The following ANKFY1 variants were observed in gnomAD, a reference collection of about 807,000 sequenced individuals.
The protein encoded by ANKFY1 is ankyrin repeat and FYVE domain-containing protein 1.
In ANKFY1, 47 loss-of-function variants were observed where a neutral mutation model predicts 128.3. That is an observed-to-expected ratio of 0.37 (90% CI 0.29 to 0.47). ANKFY1 has a LOEUF of 0.47. Among genes scored for constraint, ANKFY1 ranks in the 20% least tolerant of loss-of-function variants. ANKFY1 has a pLI of 1.00. For missense variants in ANKFY1, 1,222 were observed against 1,510.6 expected (o/e 0.81, Z 3.17); for synonymous variants, 553 against 601.6 (o/e 0.92, Z 1.18).
chr17:4,226,742 C>CAAA (rs35786963), intron 3 of ANKFY1, among the ~76,000 whole-genome samples: 1 of 68,286 alleles, frequency 1.5e-5, no homozygotes, highest in Non-Finnish European at 3.0e-5. Context: ...GACTCCATCT[C>CAAA]AAAAAAAAAA....
intron 4 of ANKFY1, among the ~76,000 whole-genome samples, chr17:4,215,105 A>G (rs1440368546): frequency 2.0e-5 from 3 of 152,068 alleles, no homozygotes. Context: ...CCTGGCCAAC[A>G]TGGCAAAACC....
intron 16 of ANKFY1, chr17:4,180,479 T>A (rs1275697016): frequency 6.6e-6 from 1 of 151,342 alleles, no homozygotes; most frequent in Non-Finnish European, 1.5e-5. Flanking sequence ...ACCATAAAGT[T>A]TGAGCCAGGC....
chr17:4,248,724 A>G (rs909654477), intron 1 of ANKFY1, among the ~76,000 whole-genome samples: 3 of 152,208 alleles, frequency 2.0e-5, no homozygotes, highest in Non-Finnish European at 2.9e-5. Flanking sequence ...AGATGATGCC[A>G]CTGCATTCCA....
At chr17:4,171,964 G>A (rs1016707044) in intron 22 of ANKFY1, among the ~76,000 whole-genome samples, 13 of 152,274 alleles carry the variant, frequency 8.5e-5, no homozygotes, top group African/African-American at 2.9e-4. Flanking sequence ...CCCGAAAAAC[G>A]GGGATACAAC....
rs1301335191 is a variant in ANKFY1 at position 4,197,398 on chromosome 17, G to A, written c.1078C>T (p.Pro360Ser). The change falls in exon 8 of 25, where the codon CCC becomes TCC. Residue 360 changes from proline (P) to serine (S), a missense_variant. Physicochemically the swap from Pro to Ser is moderately conservative, Grantham distance 74. Coordinates refer to ENST00000341657, the MANE Select transcript of ANKFY1 (RefSeq NM_001330063.2). ...AEALLQAGAN[P>S]NMQDSKGRTP... ...CTCCCCTTGCTGTCCTGCATGTTGG[G>A]GTTGGCACCAGCCTGCAGAAGGGCC... 2 of 1,614,144 alleles carry A rather than the reference G, an allele frequency of 1.2e-6. No homozygotes were observed. The highest frequency in any genetic ancestry group is 1.7e-5 in the Admixed American group (1 of 60,024).
In ANKFY1 at chr17:4,187,398, G is replaced by A. The variant is rs548914133; in HGVS notation, c.1470+1984C>T. 25 of 397,302 alleles carry A rather than the reference G, an allele frequency of 6.3e-5. No individual in the cohort carries two copies. The Admixed American group carries it at 8.8e-4, about 14-fold the overall frequency. The allele number at this position is 397,302 out of a possible 1,614,324, so 24.6% of individuals were successfully genotyped here. On this transcript the variant is annotated intron_variant, in intron 11 of 24. Transcript: ENST00000341657. Reference sequence around the variant, plus strand: ...CTGGACTCCACGGCACACCCACCATGCCAGCCATCCCAGGCAGTTTTCTCA... The same window carrying A: ...CTGGACTCCACGGCACACCCACCATACCAGCCATCCCAGGCAGTTTTCTCA...
Position 4,226,825 on chromosome 17 carries a change from A to G in ANKFY1, c.322+8947T>C, listed in dbSNP as rs529238465. On this transcript the variant is annotated intron_variant, in intron 3 of 24. Transcript: ENST00000341657. ...AAGCCAAAGCTCATTCTTTGAGAAG[A>G]TAATAAAAATGCCAAACTTCTATAG... is the stretch of plus-strand genomic sequence containing the variant. 2.6e-5 allele frequency among the ~76,000 whole-genome samples: 4 copies of G among 152,214 alleles called. 1 individual carries two copies. In the South Asian group the frequency reaches 8.3e-4, roughly 32 times the overall value.
At position 4,209,894 on chromosome 17, in the gene ANKFY1, T is replaced by C; in HGVS notation, c.512A>G (p.Tyr171Cys). Residue 171 changes from tyrosine to cysteine, a missense_variant, in exon 5 of 25, where the codon TAC becomes TGC. By Grantham distance (194) the Tyr-to-Cys change is radical (BLOSUM62 -2). Coordinates refer to ENST00000341657, the MANE Select transcript of ANKFY1 (RefSeq NM_001330063.2). The part of the protein sequence containing the change: ...LVNVRNCIRF[Y>C]QTAEELNAST... ...GGCATTCAGCTCCTCTGCCGTCTGGTAGAAGCGAATACAGTTCCTGACATT... is the reference window on the plus strand; with the variant it reads ...GGCATTCAGCTCCTCTGCCGTCTGGCAGAAGCGAATACAGTTCCTGACATT... 1 of 1,613,990 alleles carries C rather than the reference T, an allele frequency of 6.2e-7. No homozygotes were observed. The highest frequency in any genetic ancestry group is 8.5e-7 in the Non-Finnish European group (1 of 1,179,870).
chr17:4,237,471 G>A (rs1183696554), intron 2 of ANKFY1, among the ~76,000 whole-genome samples: 1 of 152,048 alleles, frequency 6.6e-6, no homozygotes, highest in East Asian at 1.9e-4. Context: ...AAAACAAGAA[G>A]TTACCTACAA....
chr17:4,174,821 T>G (rs2143001238), intron 19 of ANKFY1, among the ~76,000 whole-genome samples: 1 of 152,040 alleles, frequency 6.6e-6, no homozygotes, highest in Non-Finnish European at 1.5e-5. Flanking sequence ...CGCCTGGGCT[T>G]AGATGATTGG....
chr17:4,237,209 A>C (rs1302041286), intron 2 of ANKFY1, among the ~76,000 whole-genome samples: 1 of 152,232 alleles, frequency 6.6e-6, no homozygotes. Flanking sequence ...CTACGCTACA[A>C]GAGTATTGTC....
intron 3 of ANKFY1, chr17:4,222,106 G>A (rs1186415036): frequency 1.3e-5 from 2 of 150,552 alleles, no homozygotes; most frequent in African/African-American, 2.4e-5. Flanking sequence ...GGTAGGCGGC[G>A]GTGCGGCGGG....
At chr17:4,218,061 T>A (rs1814973202) in intron 3 of ANKFY1, among the ~76,000 whole-genome samples, 1 of 152,174 alleles carries the variant, frequency 6.6e-6, no homozygotes, top group Admixed American at 6.5e-5. Context: ...AAATGGGCAA[T>A]GGATACAAAT....
At chr17:4,182,079 T>C in intron 15 of ANKFY1, 102 bp downstream of exon 15, 2 of 1,190,632 alleles carry the variant, frequency 1.7e-6, no homozygotes, top group Admixed American at 3.0e-5. Context: ...ACTATGTTAC[T>C]TGACAGATCT....
Position 4,167,754 on chromosome 17 carries a change from T to G in ANKFY1, c.*25A>C. ...GCTGCTGGGGAGGTGACCAAGGACG[T>G]GGCCTGGACCCTCCGGGGGGCTCAC... On this transcript the variant is annotated 3_prime_UTR_variant, in exon 25 of 25. Coordinates refer to ENST00000341657, the MANE Select transcript of ANKFY1 (RefSeq NM_001330063.2). This position sits in a 1 kb window ranked among gnomAD's most constrained non-coding sequence, Gnocchi z 4.1. 6.3e-7 allele frequency: 1 copy of G among 1,591,830 alleles called. No individual in the cohort carries two copies. The highest frequency in any genetic ancestry group is 8.6e-7 in the Non-Finnish European group (1 of 1,166,604).
chr17:4,172,430 G>A (rs1292245875), intron 22 of ANKFY1, 126 bp downstream of exon 22: 2 of 1,335,296 alleles, frequency 1.5e-6, no homozygotes, highest in African/African-American at 1.5e-5. Flanking sequence ...ACTCACACCC[G>A]GAGGGCCCAA....
At chr17:4,221,596 T>C (rs1191133075) in intron 3 of ANKFY1, among the ~76,000 whole-genome samples, 1 of 152,188 alleles carries the variant, frequency 6.6e-6, no homozygotes, top group African/African-American at 2.4e-5. Context: ...TCTGGTTTAA[T>C]TAAATTCTCT....
chr17:4,229,418 T>C (rs2060477805), intron 3 of ANKFY1, among the ~76,000 whole-genome samples: 1 of 149,904 alleles, frequency 6.7e-6, no homozygotes. Context: ...AGTGAGGCTC[T>C]GTCTCAAAAA....
At chr17:4,187,359 C>A in intron 11 of ANKFY1, 1 of 398,524 alleles carries the variant, frequency 2.5e-6, no homozygotes, top group South Asian at 1.3e-4. Flanking sequence ...AGATGACTCC[C>A]ACTTGGCTCC....
Sources: allele counts gnomAD v4.1 joint callset (sites outside exome capture counted in the v4.1 genomes callset), GRCh38; gene constraint gnomAD v4.1.1; non-coding constraint Gnocchi (gnomAD v3.1); transcripts MANE v1.5; gene names NCBI Gene and HGNC (gene_info 2026-07-23, HGNC 2026-07-21).